Variants in CNR2 observed in about 807,000 individuals in gnomAD.
The protein encoded by CNR2 is cannabinoid receptor 2 (macrophage).
For synonymous variants in CNR2, 172 were observed against 182.2 expected, an observed-to-expected ratio of 0.94 and a Z score of 0.45; for missense variants, 379 against 439.9, an observed-to-expected ratio of 0.86 and a Z score of 1.24.
rs149950627 is a variant in CNR2, at chr1:23,898,229, G to A, written c.-46+15017C>T. 4.6e-4 allele frequency among the ~76,000 whole-genome samples: 70 copies of A among 151,862 alleles called. 3 individuals carry two copies. The East Asian group carries it at 0.014, about 29-fold the overall frequency. ...TTTTTTTGTATTTTTAGTAGACACA[G>A]GGTTTCACCATGTTAGCCAGGATGG... On this transcript the variant is annotated intron_variant, in intron 1 of 1. Coordinates refer to ENST00000374472, the MANE Select transcript of CNR2 (RefSeq NM_001841.3).
chr1:23,874,278 C>G lies in CNR2; in HGVS notation c.*257G>C. 1 of 450,770 alleles carries G rather than the reference C, an allele frequency of 2.2e-6. No homozygotes were observed. The allele number at this position is 450,770 out of a possible 1,614,324, so 27.9% of individuals were successfully genotyped here. On this transcript the variant is annotated 3_prime_UTR_variant, in exon 2 of 2. Transcript: ENST00000374472. ...GGCATGAAGCCTGACCTGACTTGTA[C>G]TGACCCTGTCCCAGGCCTTTTGTGT...
At chr1:23,877,061 G>T (rs777143586) in intron 1 of CNR2, among the ~76,000 whole-genome samples, 19 of 152,040 alleles carry the variant, frequency 1.2e-4, no homozygotes, top group Non-Finnish European at 1.9e-4. Context: ...AATGCAAAAT[G>T]CATAAGGAAA....
rs559909798 is a variant in CNR2, at chr1:23,910,301, A to T, written c.-46+2945T>A. On this transcript the variant is annotated intron_variant, in intron 1 of 1. Transcript: ENST00000374472. The stretch of plus-strand genomic sequence containing the variant: ...AAGCTTGTGTGAGCTTCAGTTTCTC[A>T]CCTTGCAAATGTGGTTAGTGATAGC... Among the ~76,000 whole-genome samples, 5 of 151,580 alleles carry T rather than the reference A, an allele frequency of 3.3e-5. No individual in the cohort carries two copies. In the East Asian group the frequency reaches 9.7e-4, roughly 29 times the overall value.
chr1:23,885,750 C>T (rs1640077398), intron 1 of CNR2, among the ~76,000 whole-genome samples: 2 of 152,024 alleles, frequency 1.3e-5, no homozygotes, highest in South Asian at 2.1e-4. Flanking sequence ...TGGTGGCGTG[C>T]GCCTGTAATC....
chr1:23,900,159 G>A (rs560140654), intron 1 of CNR2, among the ~76,000 whole-genome samples: 1 of 151,780 alleles, frequency 6.6e-6, no homozygotes, highest in Non-Finnish European at 1.5e-5. Flanking sequence ...GTGATCTTGT[G>A]GCCCCCACCC....
At chr1:23,900,520 T>G (rs1640381098) in intron 1 of CNR2, among the ~76,000 whole-genome samples, 1 of 150,562 alleles carries the variant, frequency 6.6e-6, no homozygotes, top group Non-Finnish European at 1.5e-5. Flanking sequence ...TTTTTTTTTT[T>G]TTTTTGAGAC....
chr1:23,902,713 G>A, intron 1 of CNR2: 1 of 1,587,198 alleles, frequency 6.3e-7, no homozygotes, highest in Non-Finnish European at 8.5e-7. Context: ...TTGAACATGA[G>A]CGCGTTCCTC....
chr1:23,882,576 C>T (rs189053987), intron 1 of CNR2, among the ~76,000 whole-genome samples: 2 of 143,046 alleles, frequency 1.4e-5, no homozygotes, highest in Non-Finnish European at 3.0e-5. Context: ...GAGGCCAAGG[C>T]GGGTGGATCA....
intron 1 of CNR2, among the ~76,000 whole-genome samples, chr1:23,912,479 G>A (rs1317991718): frequency 1.3e-5 from 2 of 152,238 alleles, no homozygotes; most frequent in Admixed American, 1.3e-4. Flanking sequence ...CTGAAGGGTG[G>A]GCCGCGAAGC....
chr1:23,902,266 A>C, intron 1 of CNR2: 1 of 1,406,660 alleles, frequency 7.1e-7, no homozygotes, highest in Non-Finnish European at 9.8e-7. Flanking sequence ...ATCTCACAGA[A>C]GCCTTGGGAC....
chr1:23,882,905 G>C (rs1234575241), intron 1 of CNR2, among the ~76,000 whole-genome samples: 1 of 151,920 alleles, frequency 6.6e-6, no homozygotes, highest in Non-Finnish European at 1.5e-5. Context: ...ATTAGAAGAA[G>C]GGCCATGGCA....
chr1:23,873,059 A>G lies in CNR2; in HGVS notation c.*1476T>C, dbSNP rs1639790667. 1 of 152,182 alleles carries G rather than the reference A, an allele frequency of 6.6e-6. No homozygotes were observed. Among genetic ancestry groups the G allele is most frequent in the Non-Finnish European group, 1.5e-5 (1 of 68,022 alleles). 9.4% of individuals were successfully genotyped at this position (152,182 alleles called of 1,614,324 possible). On this transcript the variant is annotated 3_prime_UTR_variant, in exon 2 of 2. Coordinates refer to ENST00000374472, the MANE Select transcript of CNR2 (RefSeq NM_001841.3). Reference sequence around the variant, plus strand: ...CTAGTGGATATTTTGTCTTGAAAGTATTAAACGAAGACATGTTTAACCAAT... The same window carrying G: ...CTAGTGGATATTTTGTCTTGAAAGTGTTAAACGAAGACATGTTTAACCAAT...
At chr1:23,889,691 G>C (rs2501392) in intron 1 of CNR2, among the ~76,000 whole-genome samples, 128,665 of 152,050 alleles carry the variant, frequency 0.85, 54,539 homozygotes, top group Admixed American at 0.86. Flanking sequence ...AGGTCTCCTC[G>C]AGGAAACTTA....
chr1:23,885,463 G>A (rs1039905309), intron 1 of CNR2, among the ~76,000 whole-genome samples: 1 of 152,054 alleles, frequency 6.6e-6, no homozygotes, highest in African/African-American at 2.4e-5. Context: ...GGGGTTTTCT[G>A]AGTATTTAAA....
chr1:23,895,632 G>A (rs867717776), intron 1 of CNR2, among the ~76,000 whole-genome samples: 8 of 152,120 alleles, frequency 5.3e-5, no homozygotes, highest in East Asian at 1.9e-4. Flanking sequence ...TCAGCCTCCC[G>A]AGTAGCTGGG....
chr1:23,882,186 G>T (rs1038342446), intron 1 of CNR2, among the ~76,000 whole-genome samples: 1 of 152,046 alleles, frequency 6.6e-6, no homozygotes, highest in South Asian at 2.1e-4. Context: ...GCCTTCCAAA[G>T]TGCTGGGATT....
rs1166902553 is a variant in CNR2 at position 23,887,171 on chromosome 1, A to G, written c.-45-11509T>C. ...GTCACACCTGAGCTCAGACAGAAAA[A>G]GGTGCCAGCTCACCTCTCCACCCTG... On this transcript the variant is annotated intron_variant, in intron 1 of 1. Coordinates refer to ENST00000374472, the MANE Select transcript of CNR2 (RefSeq NM_001841.3). 3.3e-5 allele frequency among the ~76,000 whole-genome samples: 5 copies of G among 152,170 alleles called. No homozygotes were observed. The South Asian group carries it at 8.3e-4, about 25-fold the overall frequency.
chr1:23,890,759 AG>A (rs1276378505), intron 1 of CNR2, among the ~76,000 whole-genome samples: 8 of 140,894 alleles, frequency 5.7e-5, no homozygotes, highest in South Asian at 4.6e-4. Flanking sequence ...AAAAAAAAAA[AG>A]AAATAGATCA....
chr1:23,905,656 G>A (rs1200304457), intron 1 of CNR2, among the ~76,000 whole-genome samples: 2 of 152,046 alleles, frequency 1.3e-5, no homozygotes, highest in African/African-American at 4.8e-5. Context: ...GGGGCTGGAG[G>A]GGACAAAGGG....
Sources: allele counts gnomAD v4.1 joint callset (sites outside exome capture counted in the v4.1 genomes callset), GRCh38; gene constraint gnomAD v4.1.1; transcripts MANE v1.5; gene names NCBI Gene and HGNC (gene_info 2026-07-23, HGNC 2026-07-21).